Variants in LHX3 observed in about 807,000 individuals in gnomAD.
The protein encoded by LHX3 is LIM homeobox 3.
LHX3 carries 21 observed loss-of-function variants against 32.4 expected under a neutral mutation model. That is an observed-to-expected ratio of 0.65 (90% CI 0.46 to 0.93). The LOEUF (loss-of-function observed/expected upper bound fraction) is 0.93. Among genes scored for constraint, LHX3 ranks in the 40% least tolerant of loss-of-function variants. The pLI is 0.00. For missense variants in LHX3, 626 were observed against 560.0 expected, an observed-to-expected ratio of 1.12 and a Z score of -1.19; for synonymous variants, 258 against 246.8, an observed-to-expected ratio of 1.05 and a Z score of -0.43.
Position 136,197,583 on chromosome 9 carries a change from GC to G in LHX3, c.935del (p.Gly312AlafsTer47). 2 of 1,538,392 alleles carry G rather than the reference GC, an allele frequency of 1.3e-6. No homozygotes were observed. Among genetic ancestry groups the G allele is most frequent in the African/African-American group, 2.7e-5 (2 of 73,012 alleles). On this transcript the variant is annotated frameshift_variant, in exon 6 of 6. Transcript: ENST00000371748. LOFTEE classifies it low-confidence loss of function (END_TRUNC). ...GPEQYRELRP[G>X]SPYGVPPSPA... ...GGGATGGGGGGACACCGTAGGGGCT[GC>G]CGGGACGCAGCTCTCGGTACTGCTC...
At chr9:136,199,375 C>G (rs1483981699) in intron 3 of LHX3, among the ~76,000 whole-genome samples, 1 of 152,224 alleles carries the variant, frequency 6.6e-6, no homozygotes. Flanking sequence ...GATTTCCCCG[C>G]GGGCTCCCCT....
chr9:136,200,814 C>A, intron 1 of LHX3, 61 bp from the exon 2 acceptor site: 1 of 1,591,078 alleles, frequency 6.3e-7, no homozygotes, highest in Admixed American at 1.7e-5. Context: ...AGCCACCTTC[C>A]CACCCCAACG....
chr9:136,201,907 C>T (rs1409057357), intron 1 of LHX3, among the ~76,000 whole-genome samples: 2 of 152,098 alleles, frequency 1.3e-5, no homozygotes, highest in African/African-American at 4.8e-5. Flanking sequence ...CGACACAGCG[C>T]GGATTCAGCA....
At chr9:136,200,298 T>A in intron 2 of LHX3, 1 of 556,926 alleles carries the variant, frequency 1.8e-6, no homozygotes, top group South Asian at 2.0e-5. Context: ...TAGGGGTGTA[T>A]CTTCTCTAAT....
intron 5 of LHX3, 22 bp downstream of exon 5, chr9:136,198,627 CGAG>C (rs1588624918): frequency 3.2e-6 from 5 of 1,561,032 alleles, no homozygotes; most frequent in South Asian, 1.2e-5. Flanking sequence ...CGTCCCCCCC[CGAG>C]CTCCGCGATC....
At chr9:136,201,802 G>A (rs1029142827) in intron 1 of LHX3, 1 of 728,602 alleles carries the variant, frequency 1.4e-6, no homozygotes, top group Non-Finnish European at 1.7e-6. Context: ...AGCTCCGGGT[G>A]CGGAGCGTCG....
chr9:136,200,022 T>TGCA, intron 2 of LHX3, 142 bp from the exon 3 acceptor site: 1 of 872,928 alleles, frequency 1.1e-6, no homozygotes. Context: ...GTCGCCAGCC[T>TGCA]GGCCGCCGGG....
At chr9:136,201,803 C>T in intron 1 of LHX3, 2 of 731,518 alleles carry the variant, frequency 2.7e-6, no homozygotes, top group Non-Finnish European at 3.3e-6. Context: ...GCTCCGGGTG[C>T]GGAGCGTCGA....
At position 136,199,689 on chromosome 9, in the gene LHX3, G is replaced by GCGGTTT. The variant is rs1265517784; in HGVS notation, c.437_442dup (p.Glu146_Thr147dup). Reference sequence around the variant, plus strand: ...TCCCCTCGGCTGACCTCGCTGCTTGGCGGTTTCGTAGTCCGCCTTGCACAC... The same window carrying GCGGTTT: ...TCCCCTCGGCTGACCTCGCTGCTTGGCGGTTTCGGTTTCGTAGTCCGCCTTGCACAC... On this transcript the variant is annotated inframe_insertion, in exon 3 of 6. Transcript: ENST00000371748. 41 of 1,612,874 alleles carry GCGGTTT rather than the reference G, an allele frequency of 2.5e-5. No homozygotes were observed. The highest frequency in any genetic ancestry group is 3.5e-5 in the Non-Finnish European group (41 of 1,179,834).
At position 136,204,936 on chromosome 9, in the gene LHX3, C is replaced by A; in HGVS notation, c.77G>T (p.Arg26Leu). 6.3e-7 allele frequency: 1 copy of A among 1,598,526 alleles called. No homozygotes were observed. The highest frequency in any genetic ancestry group is 8.5e-7 in the Non-Finnish European group (1 of 1,174,072). ...AAAVCTLGGT[R>L]EIPLCAGCDQ... ...CTCAGTGTCCTGCTGGGGCTTACCC[C>A]GAGTCCCGCCCAAGGTGCAGACGGC... Residue 26 changes from arginine (R) to leucine (L), a missense_variant and splice_region_variant, in exon 1 of 6, where the codon CGG (arginine) becomes CTG (leucine). By Grantham distance (102) the Arg-to-Leu change is moderately radical. Coordinates refer to ENST00000371748, the MANE Select transcript of LHX3 (RefSeq NM_178138.6).
intron 1 of LHX3, among the ~76,000 whole-genome samples, chr9:136,201,905 C>A (rs1413839112): frequency 1.3e-5 from 2 of 152,096 alleles, no homozygotes; most frequent in Non-Finnish European, 2.9e-5. Flanking sequence ...GCCGACACAG[C>A]GCGGATTCAG....
rs956972050 is a variant in LHX3, at chr9:136,196,870, G to A, written c.*455C>T. 7.7e-5 allele frequency: 14 copies of A among 181,932 alleles called. No individual in the cohort carries two copies. Among genetic ancestry groups the A allele is most frequent in the African/African-American group, 2.4e-4 (10 of 41,850 alleles). 11.3% of individuals were successfully genotyped at this position (181,932 alleles called of 1,614,324 possible). A position where few individuals can be genotyped will look rare whatever the true frequency, so the allele number is the denominator to read the frequency against. On this transcript the variant is annotated 3_prime_UTR_variant, in exon 6 of 6. Coordinates refer to ENST00000371748, the MANE Select transcript of LHX3 (RefSeq NM_178138.6). Reference sequence around the variant, plus strand: ...GCCTCGACAGGCAAGGCCAATCTCCGACCTAAAGAGGGAGCCTCGGGGTGA... The same window carrying A: ...GCCTCGACAGGCAAGGCCAATCTCCAACCTAAAGAGGGAGCCTCGGGGTGA...
intron 3 of LHX3, 50 bp downstream of exon 3, chr9:136,199,628 C>G: frequency 6.3e-7 from 1 of 1,595,880 alleles, no homozygotes; most frequent in Non-Finnish European, 8.6e-7. Flanking sequence ...TGGCCTCAGC[C>G]CCATTTTTTT....
At chr9:136,201,380 C>T (rs1831636397) in intron 1 of LHX3, 4 of 1,238,426 alleles carry the variant, frequency 3.2e-6, no homozygotes, top group Non-Finnish European at 2.0e-6. Context: ...GCGTGGGTGC[C>T]CCCAACACCG....
intron 1 of LHX3, chr9:136,202,914 C>T: frequency 1.3e-6 from 2 of 1,530,440 alleles, no homozygotes; most frequent in Non-Finnish European, 1.7e-6. Flanking sequence ...CTCCTGGTCT[C>T]CCCGGTGCAG....
In LHX3 at chr9:136,205,072, GGTTCGGGGCTCCCAAGTCCCGCCGCGTC is replaced by G. The variant is rs1329826969; in HGVS notation, c.-88_-61del. 6.4e-5 allele frequency: 91 copies of G among 1,412,976 alleles called. 1 individual carries two copies. Among genetic ancestry groups the G allele is most frequent in the Non-Finnish European group, 7.0e-5 (73 of 1,043,426 alleles). 87.5% of individuals were successfully genotyped at this position (1,412,976 alleles called of 1,614,324 possible). A position where few individuals can be genotyped will look rare whatever the true frequency, so the allele number is the denominator to read the frequency against. ...CCTCCTAGGTCAGCGTCCCCTGGAG[GGTTCGGGGCTCCCAAGTCCCGCCGCGTC>G]GTGCGGGGCAGGGAGCCCGGGAGCC... On this transcript the variant is annotated 5_prime_UTR_variant, in exon 1 of 6. Coordinates refer to ENST00000371748, the MANE Select transcript of LHX3 (RefSeq NM_178138.6).
intron 1 of LHX3, chr9:136,201,519 A>AGT: frequency 1.7e-6 from 2 of 1,157,350 alleles, no homozygotes; most frequent in Non-Finnish European, 2.1e-6. Flanking sequence ...CGAGTCTGTG[A>AGT]GCGGGTTTTC....
chr9:136,198,533 T>C, intron 5 of LHX3, 119 bp downstream of exon 5: 1 of 1,170,750 alleles, frequency 8.5e-7, no homozygotes. Flanking sequence ...CTTTTGAAAG[T>C]AGAACTTAAG....
At chr9:136,198,614 G>C (rs1350471142) in intron 5 of LHX3, 38 bp downstream of exon 5, 1 of 1,527,172 alleles carries the variant, frequency 6.5e-7, no homozygotes, top group Admixed American at 2.0e-5. Context: ...GCCGACGCGC[G>C]CTCGTCCCCC....
Sources: allele counts gnomAD v4.1 joint callset (sites outside exome capture counted in the v4.1 genomes callset), GRCh38; gene constraint gnomAD v4.1.1; transcripts MANE v1.5; gene names NCBI Gene and HGNC (gene_info 2026-07-23, HGNC 2026-07-21).